The following SCHIP1 variants were observed in gnomAD, a reference collection of about 807,000 sequenced individuals.
SCHIP1 encodes schwannomin-interacting protein 1.
In SCHIP1, 8 loss-of-function variants were observed where a neutral mutation model predicts 29.7. The ratio of observed to expected loss-of-function variants is 0.27; its 90% confidence interval spans 0.16 to 0.49. The LOEUF (loss-of-function observed/expected upper bound fraction) is 0.49, where lower values mean the gene tolerates loss of function less well. SCHIP1 is among the 20% of genes least tolerant of loss of function. The probability of loss-of-function intolerance (pLI) is 0.99; values close to 1 mark genes in which losing one functional copy is unlikely to be tolerated. For missense variants in SCHIP1, 193 were observed against 294.6 expected, an observed-to-expected ratio of 0.66 and a Z score of 2.52; for synonymous variants, 76 against 94.9, an observed-to-expected ratio of 0.80 and a Z score of 1.16.
chr3:159,294,816 C>A, the SCHIP1 span, among the ~76,000 whole-genome samples: 1 of 152,088 alleles, frequency 6.6e-6, no homozygotes, highest in Non-Finnish European at 1.5e-5. Flanking sequence ...GCTGGGTTGG[C>A]AATAAATCTC....
the SCHIP1 span, chr3:159,765,134 C>G: frequency 6.4e-7 from 1 of 1,560,208 alleles, no homozygotes; most frequent in Non-Finnish European, 8.7e-7. Context: ...ACCAACTCCA[C>G]CTCCGTAAGT....
the SCHIP1 span, among the ~76,000 whole-genome samples, chr3:159,650,630 A>C: frequency 6.6e-6 from 1 of 152,214 alleles, no homozygotes; most frequent in African/African-American, 2.4e-5. Flanking sequence ...GCTAGTGCAT[A>C]GGAATTTATG....
the SCHIP1 span, among the ~76,000 whole-genome samples, chr3:159,641,901 T>C: frequency 1.3e-3 from 200 of 152,290 alleles, no homozygotes; most frequent in African/African-American, 4.8e-3. Flanking sequence ...TACTAATACA[T>C]TAGATGATTT....
At chr3:159,514,432 G>T in the SCHIP1 span, among the ~76,000 whole-genome samples, 8 of 152,116 alleles carry the variant, frequency 5.3e-5, no homozygotes, top group African/African-American at 1.9e-4. Context: ...TCAGTTCCAT[G>T]CATACATGGT....
the SCHIP1 span, among the ~76,000 whole-genome samples, chr3:159,698,020 A>G: frequency 1.3e-5 from 2 of 152,360 alleles, no homozygotes; most frequent in South Asian, 4.1e-4. Context: ...TGCATTTGGC[A>G]CCACACACAT....
At chr3:159,780,799 C>T in the SCHIP1 span, among the ~76,000 whole-genome samples, 1 of 152,132 alleles carries the variant, frequency 6.6e-6, no homozygotes, top group Admixed American at 6.5e-5. Context: ...CTAACTAGCC[C>T]CCATAGGGAT....
chr3:159,555,581 T>TTG, the SCHIP1 span, among the ~76,000 whole-genome samples: 7 of 152,006 alleles, frequency 4.6e-5, no homozygotes, highest in Admixed American at 2.0e-4. Flanking sequence ...TCTCTCTCTC[T>TTG]TGTGTGTGTG....
At chr3:159,274,491 T>C in the SCHIP1 span, 3 of 721,038 alleles carry the variant, frequency 4.2e-6, no homozygotes, top group African/African-American at 5.8e-5. Flanking sequence ...ATTGAAATAG[T>C]ACTTTTAGCA....
At chr3:159,402,969 C>T in the SCHIP1 span, among the ~76,000 whole-genome samples, 1 of 151,924 alleles carries the variant, frequency 6.6e-6, no homozygotes, top group Admixed American at 6.6e-5. Flanking sequence ...AATATCTCCC[C>T]CGTAAGTTCT....
At chr3:159,529,190 T>G in the SCHIP1 span, among the ~76,000 whole-genome samples, 17 of 152,168 alleles carry the variant, frequency 1.1e-4, no homozygotes, top group Non-Finnish European at 1.6e-4. Flanking sequence ...GATATCTAAA[T>G]GGGTAAAAAC....
At position 159,896,072 on chromosome 3, in the gene SCHIP1, G is replaced by GA. The variant is rs556376955; in HGVS notation, c.684-646dup. On this transcript the variant is annotated intron_variant, in intron 6 of 6. Coordinates refer to ENST00000445224, the Ensembl canonical transcript of SCHIP1. ...CCATGCCCTTAGGATTAATTGGGGG[G>GA]AAAAACATGCAAACGTGGAATATCT... Among the ~76,000 whole-genome samples the GA allele has an allele frequency of 6.5e-3, 985 of 152,308 alleles. 3 individuals are homozygous for GA. The highest frequency in any genetic ancestry group is 0.02 in the Middle Eastern group (6 of 294).
At chr3:159,679,800 C>T in the SCHIP1 span, among the ~76,000 whole-genome samples, 1 of 152,056 alleles carries the variant, frequency 6.6e-6, no homozygotes, top group Non-Finnish European at 1.5e-5. Context: ...GCTCACCATC[C>T]CCTGCTTCGA....
At chr3:159,595,920 A>G in the SCHIP1 span, among the ~76,000 whole-genome samples, 8 of 152,308 alleles carry the variant, frequency 5.3e-5, no homozygotes, top group Admixed American at 3.3e-4. Context: ...AAACACCAAA[A>G]GCAATGGCAA....
At chr3:159,812,903 G>A in the SCHIP1 span, among the ~76,000 whole-genome samples, 4 of 152,222 alleles carry the variant, frequency 2.6e-5, no homozygotes, top group African/African-American at 9.7e-5. Context: ...AGCTTCAGGT[G>A]AGGGCTTTAT....
At chr3:159,498,657 C>T in the SCHIP1 span, among the ~76,000 whole-genome samples, 2 of 151,740 alleles carry the variant, frequency 1.3e-5, no homozygotes, top group Non-Finnish European at 2.9e-5. Context: ...AAGACTAAGT[C>T]ACACTTTGCC....
the SCHIP1 span, among the ~76,000 whole-genome samples, chr3:159,278,540 T>C: frequency 1.6e-4 from 24 of 152,356 alleles, 1 homozygote; most frequent in Admixed American, 1.4e-3. Context: ...GTCAAATCTC[T>C]AATGAGCTTT....
chr3:159,502,215 C>G, the SCHIP1 span, among the ~76,000 whole-genome samples: 3 of 152,168 alleles, frequency 2.0e-5, no homozygotes, highest in Non-Finnish European at 4.4e-5. Context: ...CCTCGTCATA[C>G]TGATTACTTC....
At chr3:159,766,998 A>G in the SCHIP1 span, among the ~76,000 whole-genome samples, 36 of 152,032 alleles carry the variant, frequency 2.4e-4, 1 homozygote, top group African/African-American at 8.0e-4. Flanking sequence ...TCTTTCCTTC[A>G]CTTCCAGCTT....
At chr3:159,392,364 GGTTA>G in the SCHIP1 span, among the ~76,000 whole-genome samples, 1 of 152,036 alleles carries the variant, frequency 6.6e-6, no homozygotes, top group African/African-American at 2.4e-5. Context: ...ACATTGTGCA[GGTTA>G]GTTACATATG....
Sources: gnomAD v4.1 joint callset for allele counts (sites outside exome capture counted in the v4.1 genomes callset) on GRCh38, gnomAD v4.1.1 for gene constraint, MANE v1.5 for transcripts, NCBI Gene and HGNC (gene_info 2026-07-23, HGNC 2026-07-21) for gene names.